Variants in CDON observed in about 807,000 individuals in gnomAD.
CDON encodes the protein cell adhesion molecule-related/down-regulated by oncogenes.
CDON carries 73 observed loss-of-function variants against 120.9 expected under a neutral mutation model. That is an observed-to-expected ratio of 0.60 (90% CI 0.50 to 0.73). CDON has a LOEUF of 0.73. CDON is among the 30% of genes least tolerant of loss of function. The pLI, the probability that CDON is intolerant of heterozygous loss-of-function variation, is 0.00. For synonymous variants in CDON, 566 were observed against 573.5 expected (o/e 0.99, Z 0.19); for missense variants, 1,470 against 1,587.3 (o/e 0.93, Z 1.26).
At chr11:125,971,382 CTAAATAAATAAATAAA>C (rs374833815) in intron 18 of CDON, among the ~76,000 whole-genome samples, 10 of 103,222 alleles carry the variant, frequency 9.7e-5, no homozygotes, top group African/African-American at 1.8e-4. Flanking sequence ...GACTCTGTCT[CTAAATAAATAAATAAA>C]TAAATAAATA....
In CDON at chr11:125,978,364, G is replaced by A. The variant is rs774247622; in HGVS notation, c.3296C>T (p.Ala1099Val). Residue 1099 changes from alanine to valine, a missense_variant, in exon 18 of 20, where the codon GCC becomes GTC. Transcript: ENST00000531738. ...CTCCAGAGGGTCAATCTGAGGCACG[G>A]CCGTGTACATTCCACCACCCTGGAC... ...HLVNGGGMYT[A>V]VPQIDPLECV... is the part of the protein sequence containing the mutation. 40 of 1,608,324 alleles carry A rather than the reference G, an allele frequency of 2.5e-5. No individual in the cohort carries two copies. The highest frequency in any genetic ancestry group is 3.4e-5 in the Non-Finnish European group (40 of 1,176,208).
At chr11:126,023,767 A>C (rs1158663294) in intron 1 of CDON, among the ~76,000 whole-genome samples, 1 of 152,240 alleles carries the variant, frequency 6.6e-6, no homozygotes, top group Non-Finnish European at 1.5e-5. Context: ...ACTACACAGA[A>C]CTAATCACTC....
chr11:125,990,882 TGAG>T (rs1285426553), intron 14 of CDON, among the ~76,000 whole-genome samples: 1 of 152,160 alleles, frequency 6.6e-6, no homozygotes, highest in Non-Finnish European at 1.5e-5. Flanking sequence ...GGCTCAAAAG[TGAG>T]GAGTTCTACG....
intron 18 of CDON, among the ~76,000 whole-genome samples, chr11:125,968,608 T>C (rs898642436): frequency 3.3e-5 from 5 of 152,248 alleles, no homozygotes; most frequent in African/African-American, 1.2e-4. Context: ...AGCATCTGTT[T>C]TTCAGATAAG....
chr11:125,971,752 C>T (rs911937604), intron 18 of CDON, among the ~76,000 whole-genome samples: 2 of 152,138 alleles, frequency 1.3e-5, no homozygotes, highest in Non-Finnish European at 2.9e-5. Context: ...TCATTCCTTC[C>T]TGATGGGGTC....
chr11:126,027,164 T>G (rs181554780), intron 1 of CDON, among the ~76,000 whole-genome samples: 17 of 152,348 alleles, frequency 1.1e-4, no homozygotes, highest in African/African-American at 4.1e-4. Context: ...TGGCTTGGTT[T>G]ACATGTACCC....
intron 15 of CDON, among the ~76,000 whole-genome samples, chr11:125,987,277 A>G (rs908706115): frequency 6.6e-6 from 1 of 152,234 alleles, no homozygotes; most frequent in Non-Finnish European, 1.5e-5. Context: ...AGGTGAGATG[A>G]AAAACATAAA....
intron 1 of CDON, among the ~76,000 whole-genome samples, chr11:126,057,572 G>A (rs59233841): frequency 0.03 from 4,568 of 152,252 alleles, 227 homozygotes; most frequent in African/African-American, 0.1. Flanking sequence ...GCACCAGGGA[G>A]CTTTCTAAGG....
chr11:126,037,353 G>C (rs958185355), intron 1 of CDON, among the ~76,000 whole-genome samples: 3 of 152,026 alleles, frequency 2.0e-5, no homozygotes, highest in African/African-American at 7.2e-5. Context: ...GCCCACCTTA[G>C]CCTCCCAAAG....
Position 126,017,081 on chromosome 11 carries a change from A to G in CDON, c.928+7T>C, listed in dbSNP as rs749345377. ...CATTTGAAAAAAATTAAAAACTAAC[A>G]TCTTACCAAGTACATTAACCATGTA... On this transcript the variant is annotated splice_region_variant and intron_variant, in intron 6 of 19. Transcript: ENST00000531738. 1.1e-5 allele frequency: 18 copies of G among 1,612,624 alleles called. No individual in the cohort carries two copies. In the Admixed American group the frequency reaches 1.8e-4, roughly 16 times the overall value.
chr11:125,980,134 TTATC>T (rs1335277510), intron 17 of CDON, among the ~76,000 whole-genome samples: 1 of 152,164 alleles, frequency 6.6e-6, no homozygotes, highest in African/African-American at 2.4e-5. Flanking sequence ...ATTAAACAAA[TTATC>T]TATTTGATCA....
At position 125,960,509 on chromosome 11, in the gene CDON, G is replaced by T. The variant is rs1350673181; in HGVS notation, c.*433C>A. The T allele has an allele frequency of 1.1e-5, 2 of 182,040 alleles. No homozygotes were observed. Among genetic ancestry groups the T allele is most frequent in the African/African-American group, 2.4e-5 (1 of 41,662 alleles). The allele number at this position is 182,040 out of a possible 1,614,324, so 11.3% of individuals were successfully genotyped here. On this transcript the variant is annotated 3_prime_UTR_variant, in exon 20 of 20. Transcript: ENST00000531738. ...CATCTCAAAAAACAAACAAAAAAAA[G>T]TCTGAGAATACACTATTGAAAGACC...
chr11:126,056,066 C>T (rs1261986110), intron 1 of CDON, among the ~76,000 whole-genome samples: 1 of 152,174 alleles, frequency 6.6e-6, no homozygotes, highest in East Asian at 1.9e-4. Flanking sequence ...CATGGAACCT[C>T]AGTCCTACAA....
At chr11:125,992,297 G>A (rs77905194) in intron 14 of CDON, among the ~76,000 whole-genome samples, 4,330 of 152,092 alleles carry the variant, frequency 0.028, 84 homozygotes, top group African/African-American at 0.052. Flanking sequence ...GGCAAAGACC[G>A]CAATTACTTT....
intron 9 of CDON, 25 bp downstream of exon 9, chr11:126,005,734 A>G: frequency 6.2e-7 from 1 of 1,608,832 alleles, no homozygotes; most frequent in Non-Finnish European, 8.5e-7. Flanking sequence ...TGAGCCGAGA[A>G]AGATGATAAA....
intron 12 of CDON, among the ~76,000 whole-genome samples, chr11:125,996,409 T>G (rs187953963): frequency 3.8e-4 from 58 of 152,144 alleles, no homozygotes; most frequent in African/African-American, 1.3e-3. Flanking sequence ...TAAAACAATA[T>G]TTATGGCACG....
At chr11:126,025,200 A>G (rs1018921150) in intron 1 of CDON, among the ~76,000 whole-genome samples, 9 of 152,194 alleles carry the variant, frequency 5.9e-5, no homozygotes, top group Non-Finnish European at 1.0e-4. Flanking sequence ...GCCAGACTCC[A>G]TATCAAAAAA....
chr11:126,032,996 G>A (rs1947985635), intron 1 of CDON, among the ~76,000 whole-genome samples: 1 of 152,222 alleles, frequency 6.6e-6, no homozygotes, highest in East Asian at 1.9e-4. Flanking sequence ...GTGACAGAGT[G>A]AGGCCCTGTG....
chr11:125,976,603 GCA>G (rs751057155), intron 18 of CDON, among the ~76,000 whole-genome samples: 4 of 96,254 alleles, frequency 4.2e-5, no homozygotes, highest in Non-Finnish European at 8.5e-5. Flanking sequence ...ACACACACAT[GCA>G]CACACACACA....
Sources: gnomAD v4.1 joint callset for allele counts (sites outside exome capture counted in the v4.1 genomes callset) on GRCh38, gnomAD v4.1.1 for gene constraint, MANE v1.5 for transcripts, NCBI Gene and HGNC (gene_info 2026-07-23, HGNC 2026-07-21) for gene names.